DENND1A: variants seen among roughly 807,000 people sequenced by gnomAD.
DENND1A encodes DENN domain containing 1A.
A neutral mutation model predicts 113.7 loss-of-function variants in DENND1A; 51 were observed. The observed-to-expected ratio is 0.45, with a 90% CI of 0.36 to 0.57. The LOEUF is 0.57. Ranked by LOEUF, DENND1A falls within the 20% of genes least tolerant of loss-of-function variation. DENND1A has a pLI of 0.00. For synonymous variants in DENND1A, 565 were observed against 570.8 expected (o/e 0.99, Z 0.14); for missense variants, 1,258 against 1,395.9 (o/e 0.90, Z 1.57).
At position 123,757,759 on chromosome 9, in the gene DENND1A, C is replaced by T. The variant is rs754747563; in HGVS notation, c.246G>A (p.Gln82=). The T allele has an allele frequency of 2.9e-5, 47 of 1,613,988 alleles. No individual in the cohort carries two copies. Among genetic ancestry groups the T allele is most frequent in the Non-Finnish European group, 3.7e-5 (44 of 1,180,006 alleles). The change falls in exon 5 of 24, where the codon CAG becomes CAA. Residue 82 remains glutamine (Q), a synonymous_variant. Transcript: ENST00000394215. ...TFVLTDIDSK[Q]RFGFCRLSSG... Reference sequence around the variant, plus strand: ...AAGATAAGCGGCAGAACCCGAATCTCTGTTTGCTGTCAATGTCAGTGAGCA... The same window carrying T: ...AAGATAAGCGGCAGAACCCGAATCTTTGTTTGCTGTCAATGTCAGTGAGCA...
chr9:123,885,591 G>T (rs1045769182), intron 1 of DENND1A, among the ~76,000 whole-genome samples: 1 of 152,218 alleles, frequency 6.6e-6, no homozygotes, highest in African/African-American at 2.4e-5. Flanking sequence ...AACAGCCTCA[G>T]CTCTTAAACA....
intron 3 of DENND1A, among the ~76,000 whole-genome samples, chr9:123,782,703 T>C (rs562278334): frequency 1.3e-4 from 20 of 152,296 alleles, no homozygotes; most frequent in African/African-American, 4.3e-4. Flanking sequence ...GAAAAACCAA[T>C]TAGTATCTTC....
chr9:123,460,652 G>A (rs1046573197), intron 13 of DENND1A, among the ~76,000 whole-genome samples: 1 of 152,120 alleles, frequency 6.6e-6, no homozygotes, highest in Non-Finnish European at 1.5e-5. Context: ...ATTGTCTCAC[G>A]CTCACCCCCG....
At chr9:123,882,793 T>C (rs1043355021) in intron 1 of DENND1A, among the ~76,000 whole-genome samples, 4 of 152,230 alleles carry the variant, frequency 2.6e-5, no homozygotes, top group South Asian at 4.1e-4. Context: ...ACATTGACAA[T>C]TGTTGCCCCA....
intron 12 of DENND1A, among the ~76,000 whole-genome samples, chr9:123,575,961 G>A (rs1442567426): frequency 6.6e-6 from 1 of 152,150 alleles, no homozygotes; most frequent in Non-Finnish European, 1.5e-5. Context: ...TATGTTTAAT[G>A]TAAAAACCAA....
At chr9:123,413,637 C>T (rs2044485622) in intron 19 of DENND1A, 5 of 985,508 alleles carry the variant, frequency 5.1e-6, no homozygotes, top group Admixed American at 6.1e-5. Context: ...ATGGAGAACA[C>T]GATGGGATAG....
At chr9:123,906,397 C>A (rs1276700474) in intron 1 of DENND1A, among the ~76,000 whole-genome samples, 5 of 122,672 alleles carry the variant, frequency 4.1e-5, no homozygotes, top group Admixed American at 7.3e-5. Context: ...AAAAACCCTT[C>A]AAAAAATTAA....
At chr9:123,926,567 C>CA (rs746978969) in intron 1 of DENND1A, among the ~76,000 whole-genome samples, 8,289 of 40,606 alleles carry the variant, frequency 0.2, 667 homozygotes, top group African/African-American at 0.32. Context: ...AACTCCATCT[C>CA]AAAAAAAAAA....
intron 19 of DENND1A, among the ~76,000 whole-genome samples, chr9:123,417,685 G>C (rs1416891684): frequency 6.6e-6 from 1 of 152,224 alleles, no homozygotes; most frequent in Non-Finnish European, 1.5e-5. Context: ...AGGCTGATGA[G>C]AGAGTAACTG....
intron 2 of DENND1A, among the ~76,000 whole-genome samples, chr9:123,875,752 T>G (rs1291844684): frequency 6.6e-6 from 1 of 152,180 alleles, no homozygotes; most frequent in Non-Finnish European, 1.5e-5. Context: ...CAAGAAGTTC[T>G]GAGATGCTGG....
chr9:123,434,201 AT>A (rs1403307980), intron 19 of DENND1A, among the ~76,000 whole-genome samples: 2 of 152,016 alleles, frequency 1.3e-5, no homozygotes, highest in Non-Finnish European at 2.9e-5. Flanking sequence ...TAATTTTTGT[AT>A]TTTTAGTAGA....
At chr9:123,711,870 T>C (rs1158765545) in intron 5 of DENND1A, among the ~76,000 whole-genome samples, 1 of 152,184 alleles carries the variant, frequency 6.6e-6, no homozygotes, top group African/African-American at 2.4e-5. Flanking sequence ...TTATCACTAA[T>C]GGTCTCTTCA....
At chr9:123,882,607 C>A (rs1188702384) in intron 1 of DENND1A, among the ~76,000 whole-genome samples, 1 of 152,174 alleles carries the variant, frequency 6.6e-6, no homozygotes, top group African/African-American at 2.4e-5. Flanking sequence ...TACTGCAGCA[C>A]CCTCCTGATG....
chr9:123,557,502 G>T, intron 13 of DENND1A, 68 bp downstream of exon 13: 1 of 1,570,738 alleles, frequency 6.4e-7, no homozygotes, highest in Non-Finnish European at 8.6e-7. Flanking sequence ...GGCATTTCTT[G>T]TGGCCCCTGA....
intron 2 of DENND1A, among the ~76,000 whole-genome samples, chr9:123,875,318 T>C (rs1202281836): frequency 6.6e-6 from 1 of 152,138 alleles, no homozygotes; most frequent in Non-Finnish European, 1.5e-5. Context: ...AACCCACCTG[T>C]AACATTTACA....
At chr9:123,817,564 T>A (rs760939595) in intron 2 of DENND1A, among the ~76,000 whole-genome samples, 6 of 152,190 alleles carry the variant, frequency 3.9e-5, no homozygotes, top group Non-Finnish European at 7.3e-5. Context: ...AGTCCCCTTT[T>A]GAAAACTTCC....
chr9:123,394,220 A>T (rs1334526021), intron 21 of DENND1A, among the ~76,000 whole-genome samples: 1 of 151,274 alleles, frequency 6.6e-6, no homozygotes, highest in African/African-American at 2.4e-5. Flanking sequence ...CTGGTCTTGA[A>T]CTCCTAAACT....
chr9:123,459,594 A>T (rs1052504239), intron 13 of DENND1A, among the ~76,000 whole-genome samples: 63 of 151,772 alleles, frequency 4.2e-4, no homozygotes, highest in African/African-American at 1.4e-3. Context: ...TTCTTTGAAC[A>T]TGTTTGGAGT....
At chr9:123,741,245 G>A (rs115029387) in intron 5 of DENND1A, among the ~76,000 whole-genome samples, 215 of 152,114 alleles carry the variant, frequency 1.4e-3, no homozygotes, top group African/African-American at 4.4e-3. Flanking sequence ...CAATTTCAAC[G>A]GCATACCTGG....
Sources: gnomAD v4.1 joint callset for allele counts (sites outside exome capture counted in the v4.1 genomes callset) on GRCh38, gnomAD v4.1.1 for gene constraint, MANE v1.5 for transcripts, NCBI Gene and HGNC (gene_info 2026-07-23, HGNC 2026-07-21) for gene names.